RGPD2: variants seen among roughly 807,000 people sequenced by gnomAD.
RGPD2 encodes RANBP2-like and GRIP domain-containing protein 2.
RGPD2 carries 2 observed loss-of-function variants against 36.0 expected under a neutral mutation model. The observed-to-expected ratio is 0.06, with a 90% CI of 0.02 to 0.17. The LOEUF (loss-of-function observed/expected upper bound fraction) is 0.17, where lower values mean the gene tolerates loss of function less well. RGPD2 is among the 10% of genes least tolerant of loss of function. The pLI, the probability that RGPD2 is intolerant of heterozygous loss-of-function variation, is 1.00. For missense variants in RGPD2, 40 were observed against 464.3 expected (o/e 0.09, Z 8.40); for synonymous variants, 19 against 163.8 (o/e 0.12, Z 6.75).
chr2:87,876,912 G>GGTTA, the RGPD2 span, among the ~76,000 whole-genome samples: 135 of 152,048 alleles, frequency 8.9e-4, no homozygotes, highest in African/African-American at 3.0e-3. Flanking sequence ...TATATAATTA[G>GGTTA]GTTAGTTAGC....
At chr2:87,985,769 G>A in the RGPD2 span, 20,393 of 1,609,884 alleles carry the variant, frequency 0.013, 174 homozygotes, top group Non-Finnish European at 0.014. Context: ...AACCCATCAC[G>A]TTCATGAGAC....
chr2:87,921,557 A>G, the RGPD2 span, among the ~76,000 whole-genome samples: 1 of 152,184 alleles, frequency 6.6e-6, no homozygotes, highest in Non-Finnish European at 1.5e-5. Flanking sequence ...CCATAATATC[A>G]CATGGCAAAA....
the RGPD2 span, among the ~76,000 whole-genome samples, chr2:87,983,434 C>T: frequency 2.5e-5 from 3 of 118,794 alleles, no homozygotes; most frequent in Admixed American, 1.9e-4. Context: ...CTCTTAAAAA[C>T]AGTATCTCAC....
At chr2:87,913,248 A>G in the RGPD2 span, among the ~76,000 whole-genome samples, 1 of 151,678 alleles carries the variant, frequency 6.6e-6, no homozygotes, top group Non-Finnish European at 1.5e-5. Flanking sequence ...TTGTAGGGAC[A>G]TGGATAAAGT....
At chr2:87,986,837 G>A in the RGPD2 span, among the ~76,000 whole-genome samples, 4 of 149,640 alleles carry the variant, frequency 2.7e-5, no homozygotes, top group South Asian at 2.1e-4. Flanking sequence ...CCAAGATCAC[G>A]CCATTGCACT....
chr2:87,920,274 T>A, the RGPD2 span, among the ~76,000 whole-genome samples: 4 of 151,894 alleles, frequency 2.6e-5, no homozygotes, highest in Non-Finnish European at 5.9e-5. Flanking sequence ...AACTCTCAAG[T>A]GGGGAAAAAA....
At chr2:87,915,352 A>ATCTATTGTATATATATATATG in the RGPD2 span, among the ~76,000 whole-genome samples, 1 of 134,986 alleles carries the variant, frequency 7.4e-6, no homozygotes, top group Non-Finnish European at 1.6e-5. Flanking sequence ...TGTATATTAT[A>ATCTATTGTATATATATATATG]TATATTATAT....
At chr2:87,974,941 C>G in the RGPD2 span, among the ~76,000 whole-genome samples, 496 of 152,202 alleles carry the variant, frequency 3.3e-3, 6 homozygotes, top group African/African-American at 0.011. Context: ...GATCCTGTCC[C>G]TCCTCTGTTT....
At chr2:87,963,644 C>T in the RGPD2 span, among the ~76,000 whole-genome samples, 6 of 68,852 alleles carry the variant, frequency 8.7e-5, no homozygotes, top group Admixed American at 1.7e-4. Flanking sequence ...CACTCCACTG[C>T]ACTCCAGCTT....
chr2:87,825,340 G>A (rs1686662616), intron 1 of RGPD2, among the ~76,000 whole-genome samples: 1 of 149,718 alleles, frequency 6.7e-6, no homozygotes, highest in Non-Finnish European at 1.5e-5. Context: ...CATTTTTATT[G>A]CCACAACTAA....
the RGPD2 span, among the ~76,000 whole-genome samples, chr2:87,840,259 C>T: frequency 7.7e-6 from 1 of 130,046 alleles, no homozygotes; most frequent in Non-Finnish European, 1.6e-5. Context: ...ATTTATGCTG[C>T]CACAACCTGA....
the RGPD2 span, among the ~76,000 whole-genome samples, chr2:87,915,274 G>GTATATA: frequency 5.9e-5 from 5 of 84,998 alleles, no homozygotes; most frequent in African/African-American, 1.8e-4. Flanking sequence ...GTGTGTGTGT[G>GTATATA]TATATATATA....
At chr2:87,905,482 C>T in the RGPD2 span, among the ~76,000 whole-genome samples, 1 of 151,692 alleles carries the variant, frequency 6.6e-6, no homozygotes, top group African/African-American at 2.4e-5. Flanking sequence ...TTGAATAAAA[C>T]AAATACTTTA....
chr2:87,967,461 G>A, the RGPD2 span, among the ~76,000 whole-genome samples: 1 of 149,928 alleles, frequency 6.7e-6, no homozygotes, highest in African/African-American at 2.5e-5. Context: ...GAAAATATCT[G>A]ATAATTATTA....
chr2:87,840,186 G>A, the RGPD2 span, among the ~76,000 whole-genome samples: 1 of 129,584 alleles, frequency 7.7e-6, no homozygotes, highest in Admixed American at 8.3e-5. Context: ...ATAAGAAGAG[G>A]GAAACTTCGA....
At chr2:87,881,790 T>C in the RGPD2 span, among the ~76,000 whole-genome samples, 1 of 152,046 alleles carries the variant, frequency 6.6e-6, no homozygotes, top group Non-Finnish European at 1.5e-5. Flanking sequence ...CTTTCTGTGT[T>C]AAGCTGTTCT....
the RGPD2 span, among the ~76,000 whole-genome samples, chr2:87,861,759 G>C: frequency 6.9e-6 from 1 of 144,280 alleles, no homozygotes; most frequent in Non-Finnish European, 1.5e-5. Flanking sequence ...AGGTTTTCTA[G>C]CCTCTGGATC....
chr2:87,807,052 CTAA>C (rs1411997217), intron 6 of RGPD2, among the ~76,000 whole-genome samples, 161 bp from the exon 7 acceptor site: 5 of 86,492 alleles, frequency 5.8e-5, no homozygotes, highest in Non-Finnish European at 1.0e-4. Flanking sequence ...TATGAATCAT[CTAA>C]TGCTTATTTT....
At chr2:87,952,565 T>C in the RGPD2 span, among the ~76,000 whole-genome samples, 1 of 152,222 alleles carries the variant, frequency 6.6e-6, no homozygotes, top group Non-Finnish European at 1.5e-5. Flanking sequence ...TTTCAATTAA[T>C]CAACTAAGTA....
Sources: gnomAD v4.1 joint callset for allele counts (sites outside exome capture counted in the v4.1 genomes callset) on GRCh38, gnomAD v4.1.1 for gene constraint, MANE v1.5 for transcripts, NCBI Gene and HGNC (gene_info 2026-07-23, HGNC 2026-07-21) for gene names.